The following STAU2 variants were observed in gnomAD, a reference collection of about 807,000 sequenced individuals.
The protein encoded by STAU2 is staufen double-stranded RNA binding protein 2, also known as double-stranded RNA-binding protein Staufen homolog 2.
In STAU2, 20 loss-of-function variants were observed where a neutral mutation model predicts 65.9. The ratio of observed to expected loss-of-function variants is 0.30; its 90% confidence interval spans 0.21 to 0.44. The LOEUF (loss-of-function observed/expected upper bound fraction) is 0.44. STAU2 is among the 20% of genes least tolerant of loss of function. The pLI is 1.00. For synonymous variants in STAU2, 232 were observed against 233.9 expected (o/e 0.99, Z 0.07); for missense variants, 558 against 683.9 (o/e 0.82, Z 2.05).
intron 12 of STAU2, among the ~76,000 whole-genome samples, chr8:73,554,138 C>G (rs1807547022): frequency 6.6e-6 from 1 of 152,210 alleles, no homozygotes; most frequent in Admixed American, 6.5e-5. Flanking sequence ...GCATCAGTCC[C>G]TTGCTTGTCT....
intron 14 of STAU2, 60 bp from the exon 15 acceptor site, chr8:73,421,525 T>C: frequency 6.7e-7 from 1 of 1,486,774 alleles, no homozygotes; most frequent in South Asian, 1.2e-5. Context: ...TTCAGACATG[T>C]TTATTAGCAG....
chr8:73,641,650 C>T (rs958454258), intron 6 of STAU2, among the ~76,000 whole-genome samples: 1 of 152,104 alleles, frequency 6.6e-6, no homozygotes, highest in Admixed American at 6.5e-5. Context: ...TTATAATGTA[C>T]TTAAGCAGAT....
chr8:73,539,409 T>C (rs1806381261), intron 13 of STAU2, among the ~76,000 whole-genome samples: 1 of 152,152 alleles, frequency 6.6e-6, no homozygotes, highest in Non-Finnish European at 1.5e-5. Flanking sequence ...TGAATGGATA[T>C]AAAATCTCTG....
At chr8:73,587,632 CAG>C (rs750352398) in intron 11 of STAU2, among the ~76,000 whole-genome samples, 11 of 152,156 alleles carry the variant, frequency 7.2e-5, no homozygotes, top group Admixed American at 1.3e-4. Context: ...GAGTATGTAC[CAG>C]AGTTAAACCC....
intron 11 of STAU2, among the ~76,000 whole-genome samples, chr8:73,592,975 G>A (rs1810932656): frequency 1.3e-5 from 2 of 152,176 alleles, no homozygotes; most frequent in African/African-American, 4.8e-5. Flanking sequence ...TCTCTCTGCA[G>A]CATCTGACTA....
intron 6 of STAU2, among the ~76,000 whole-genome samples, chr8:73,662,588 G>A (rs1816908923): frequency 7.5e-6 from 1 of 132,508 alleles, no homozygotes; most frequent in South Asian, 2.5e-4. Flanking sequence ...TGAAGTCAAG[G>A]TTCAGGGGTT....
In STAU2 at chr8:73,552,773, CG is replaced by C. The variant is rs1807431128; in HGVS notation, c.1223-455del. ...GTCCAAATTTCTTTGGAGGTACAAACGCATGTATTCAACAGCCTAGTGATCC... is the reference window on the plus strand; with the variant it reads ...GTCCAAATTTCTTTGGAGGTACAAACCATGTATTCAACAGCCTAGTGATCC... On this transcript the variant is annotated intron_variant, in intron 12 of 14. Transcript: ENST00000524300. Among the ~76,000 whole-genome samples the C allele has an allele frequency of 2.6e-5, 4 of 152,148 alleles. No homozygotes were observed. The South Asian group carries it at 8.3e-4, about 32-fold the overall frequency.
intron 13 of STAU2, among the ~76,000 whole-genome samples, chr8:73,473,343 T>C (rs1196967669): frequency 6.6e-6 from 1 of 152,218 alleles, no homozygotes; most frequent in Non-Finnish European, 1.5e-5. Flanking sequence ...GATCCAATAA[T>C]ATTTCTGTCA....
intron 12 of STAU2, among the ~76,000 whole-genome samples, chr8:73,554,314 T>C (rs1483386293): frequency 6.6e-6 from 1 of 152,230 alleles, no homozygotes; most frequent in African/African-American, 2.4e-5. Flanking sequence ...GAGCAGGGGA[T>C]GGTTACAGTG....
At chr8:73,571,465 C>T (rs1213051074) in intron 12 of STAU2, among the ~76,000 whole-genome samples, 2 of 152,196 alleles carry the variant, frequency 1.3e-5, no homozygotes, top group African/African-American at 2.4e-5. Flanking sequence ...CACCACATCG[C>T]ACTTATTCCA....
intron 13 of STAU2, among the ~76,000 whole-genome samples, chr8:73,426,757 G>A (rs905934857): frequency 2.0e-5 from 3 of 151,862 alleles, no homozygotes; most frequent in Non-Finnish European, 4.4e-5. Flanking sequence ...GAAACATTTC[G>A]GTAGCATCAT....
intron 13 of STAU2, among the ~76,000 whole-genome samples, chr8:73,423,462 T>C (rs889508356): frequency 6.6e-6 from 1 of 152,194 alleles, no homozygotes; most frequent in Non-Finnish European, 1.5e-5. Context: ...AGAATTTGGG[T>C]CTTCCTCCCC....
chr8:73,729,891 C>G (rs1364244518), intron 3 of STAU2, among the ~76,000 whole-genome samples: 3 of 152,174 alleles, frequency 2.0e-5, no homozygotes, highest in African/African-American at 7.2e-5. Flanking sequence ...CCCACACTCA[C>G]GTCTAGTTTT....
At chr8:73,746,761 C>T (rs1173436727) in intron 1 of STAU2, 22 bp downstream of exon 1, 11 of 1,210,762 alleles carry the variant, frequency 9.1e-6, no homozygotes, top group Non-Finnish European at 1.1e-5. Context: ...GTCTCCCGGA[C>T]GCCCCCGATG....
intron 6 of STAU2, among the ~76,000 whole-genome samples, chr8:73,648,691 A>C (rs1344949150): frequency 1.3e-5 from 2 of 152,216 alleles, no homozygotes; most frequent in Non-Finnish European, 2.9e-5. Flanking sequence ...TTGAACTTTT[A>C]ACTTCTGCCA....
In STAU2 at chr8:73,585,492, A is replaced by G. The variant is rs576174019; in HGVS notation, c.1162-2662T>C. ...TGAAACTCCGTCTCAAAACATGTAT[A>G]TATTATACAATTTATCCAGTAGGTA... On this transcript the variant is annotated intron_variant, in intron 11 of 14. Coordinates refer to ENST00000524300, the MANE Select transcript of STAU2 (RefSeq NM_001164380.2). 4.6e-5 allele frequency among the ~76,000 whole-genome samples: 7 copies of G among 152,378 alleles called. No individual in the cohort carries two copies. In the South Asian group the frequency reaches 1.2e-3, roughly 27 times the overall value.
intron 13 of STAU2, among the ~76,000 whole-genome samples, chr8:73,431,338 A>G (rs1012571924): frequency 1.4e-5 from 2 of 138,936 alleles, no homozygotes; most frequent in African/African-American, 5.8e-5. Flanking sequence ...CAGCTTTATG[A>G]CAATTAATAT....
At chr8:73,542,119 G>T (rs13280757) in intron 13 of STAU2, among the ~76,000 whole-genome samples, 104,761 of 151,928 alleles carry the variant, frequency 0.69, 37,136 homozygotes, top group Non-Finnish European at 0.79. Context: ...TCCCAAACTA[G>T]ATTAAAAACA....
chr8:73,667,021 CTCT>C (rs1817288746), intron 6 of STAU2, among the ~76,000 whole-genome samples: 1 of 152,084 alleles, frequency 6.6e-6, no homozygotes, highest in South Asian at 2.1e-4. Context: ...GCAAATTAAA[CTCT>C]TCATCTTTCC....
Sources: allele counts gnomAD v4.1 joint callset (sites outside exome capture counted in the v4.1 genomes callset), GRCh38; gene constraint gnomAD v4.1.1; transcripts MANE v1.5; gene names NCBI Gene and HGNC (gene_info 2026-07-23, HGNC 2026-07-21).